Variants in ANO4 observed in about 807,000 individuals in gnomAD.
ANO4 encodes the protein anoctamin-4.
In ANO4, 69 loss-of-function variants were observed where a neutral mutation model predicts 141.9. The ratio of observed to expected loss-of-function variants is 0.49; its 90% confidence interval spans 0.40 to 0.59. The LOEUF is 0.59. ANO4 is among the 20% of genes least tolerant of loss of function. ANO4 has a pLI of 0.00. For missense variants in ANO4, 894 were observed against 1,162.2 expected (o/e 0.77, Z 3.36); for synonymous variants, 350 against 394.3 (o/e 0.89, Z 1.33).
intron 2 of ANO4, among the ~76,000 whole-genome samples, chr12:100,903,169 A>G (rs1477796022): frequency 6.6e-6 from 1 of 152,150 alleles, no homozygotes; most frequent in Non-Finnish European, 1.5e-5. Context: ...TGAGGCCCTC[A>G]GTGACCTCCT....
intron 1 of ANO4, chr12:100,842,061 A>ACCCCCCCCCCCCCCCCC (rs560427876): frequency 1.9e-5 from 1 of 51,286 alleles, no homozygotes; most frequent in African/African-American, 6.9e-5. Context: ...GTAAATATCC[A>ACCCCCCCCCCCCCCCCC]CCCCCCCCCC....
intron 1 of ANO4, among the ~76,000 whole-genome samples, chr12:100,867,369 G>A (rs927933349): frequency 6.6e-6 from 1 of 152,128 alleles, no homozygotes; most frequent in Non-Finnish European, 1.5e-5. Flanking sequence ...AAAGGCCTGA[G>A]CAGTAGGCGA....
intron 2 of ANO4, among the ~76,000 whole-genome samples, chr12:100,918,366 A>G (rs2041448479): frequency 6.6e-6 from 1 of 152,232 alleles, no homozygotes; most frequent in African/African-American, 2.4e-5. Context: ...AACATAAAAA[A>G]GATAAAGTAT....
chr12:100,786,993 T>G (rs1180685316), intron 3 of ANO4, among the ~76,000 whole-genome samples: 1 of 152,110 alleles, frequency 6.6e-6, no homozygotes, highest in Non-Finnish European at 1.5e-5. Context: ...CACTCTCCCA[T>G]CCCTGAGGAA....
intron 7 of ANO4, among the ~76,000 whole-genome samples, chr12:100,975,885 C>G (rs1458869152): frequency 7.1e-6 from 1 of 141,088 alleles, no homozygotes; most frequent in African/African-American, 2.7e-5. Flanking sequence ...ATAACATATG[C>G]AGATGTATAG....
intron 1 of ANO4, among the ~76,000 whole-genome samples, chr12:100,798,870 GGCATCT>G (rs1189371521): frequency 3.3e-5 from 5 of 152,180 alleles, no homozygotes; most frequent in Admixed American, 2.0e-4. Flanking sequence ...CCCTTAATTA[GGCATCT>G]GCTGACTGAC....
chr12:100,971,974 T>C (rs1051351637), intron 6 of ANO4, among the ~76,000 whole-genome samples: 1 of 152,224 alleles, frequency 6.6e-6, no homozygotes, highest in Non-Finnish European at 1.5e-5. Context: ...CCTTAGTTAT[T>C]TAAAAGGATT....
chr12:101,120,996 T>C (rs1485328768), intron 26 of ANO4, among the ~76,000 whole-genome samples: 1 of 152,212 alleles, frequency 6.6e-6, no homozygotes, highest in Non-Finnish European at 1.5e-5. Context: ...ATTCTGACTA[T>C]AGGCATTCTG....
intron 9 of ANO4, 106 bp from the exon 10 acceptor site, chr12:101,036,989 A>C: frequency 1.8e-6 from 2 of 1,114,040 alleles, no homozygotes; most frequent in South Asian, 3.1e-5. Flanking sequence ...AAGAGGGTTG[A>C]TAGCCTAGAT....
chr12:101,095,694 C>T (rs564392058), intron 18 of ANO4, among the ~76,000 whole-genome samples: 1 of 152,246 alleles, frequency 6.6e-6, no homozygotes, highest in South Asian at 2.1e-4. Flanking sequence ...AAATCAGACA[C>T]TCAGGGAATG....
At chr12:100,755,694 AG>A (rs2032577928) in intron 3 of ANO4, among the ~76,000 whole-genome samples, 1 of 152,106 alleles carries the variant, frequency 6.6e-6, no homozygotes, top group Non-Finnish European at 1.5e-5. Flanking sequence ...CTTAGCTAAT[AG>A]CAAATTTCTT....
rs76408229 is a variant in ANO4, at chr12:100,857,165, C to A, written c.-140-44481C>A. Among the ~76,000 whole-genome samples the A allele has an allele frequency of 5.1e-3, 769 of 152,178 alleles. 9 individuals are homozygous for A. The highest frequency in any genetic ancestry group is 0.018 in the African/African-American group (744 of 41,524). On this transcript the variant is annotated intron_variant, in intron 1 of 27. Coordinates refer to ENST00000392977, the MANE Select transcript of ANO4 (RefSeq NM_001286615.2). ...ATCCAGGGACATTTGGAGGTCACTG[C>A]CAGAGGCCATGCACATTGTCCAGTT...
chr12:100,832,563 G>T (rs553038832), intron 1 of ANO4, among the ~76,000 whole-genome samples: 1 of 152,200 alleles, frequency 6.6e-6, no homozygotes, highest in African/African-American at 2.4e-5. Context: ...TAAAGTATCT[G>T]CTTAGGGAAA....
chr12:100,858,079 A>G (rs2038276636), intron 1 of ANO4, among the ~76,000 whole-genome samples: 1 of 151,922 alleles, frequency 6.6e-6, no homozygotes, highest in Non-Finnish European at 1.5e-5. Flanking sequence ...TCTTAAATGA[A>G]GGTGATAAAA....
intron 22 of ANO4, among the ~76,000 whole-genome samples, chr12:101,108,643 C>T (rs894437832): frequency 6.6e-6 from 1 of 151,946 alleles, no homozygotes; most frequent in Non-Finnish European, 1.5e-5. Context: ...ATATTTTTTA[C>T]TATTTTTACA....
At chr12:100,792,595 G>A (rs1301036713), upstream of ANO4, among the ~76,000 whole-genome samples, 2 of 152,090 alleles carry the variant, frequency 1.3e-5, no homozygotes, top group African/African-American at 2.4e-5. Flanking sequence ...TAAAGAGACC[G>A]AACTTTAAAA....
chr12:101,127,121 T>G, intron 27 of ANO4, 47 bp downstream of exon 27: 2 of 1,550,914 alleles, frequency 1.3e-6, no homozygotes, highest in East Asian at 4.7e-5. Flanking sequence ...CGAGGTTGAA[T>G]GGGTGCTTTA....
At chr12:100,986,798 C>A (rs1159164457) in intron 7 of ANO4, among the ~76,000 whole-genome samples, 1 of 152,066 alleles carries the variant, frequency 6.6e-6, no homozygotes, top group Non-Finnish European at 1.5e-5. Flanking sequence ...CACTTGGAAG[C>A]CAGATGTTTT....
chr12:101,022,705 C>T (rs992506368), intron 9 of ANO4, among the ~76,000 whole-genome samples: 4 of 152,068 alleles, frequency 2.6e-5, no homozygotes, highest in African/African-American at 7.2e-5. Context: ...GGCATCTTCA[C>T]TAATAATGGT....
Sources: gnomAD v4.1 joint callset for allele counts (sites outside exome capture counted in the v4.1 genomes callset) on GRCh38, gnomAD v4.1.1 for gene constraint, MANE v1.5 for transcripts, NCBI Gene and HGNC (gene_info 2026-07-23, HGNC 2026-07-21) for gene names.